Variants in ELP3 observed in about 807,000 individuals in gnomAD.
The protein encoded by ELP3 is elongator complex protein 3.
A neutral mutation model predicts 74.9 loss-of-function variants in ELP3; 56 were observed. The observed-to-expected ratio is 0.75, with a 90% confidence interval of 0.60 to 0.93. ELP3 has a LOEUF of 0.93. Ranked by LOEUF, ELP3 falls within the 40% of genes least tolerant of loss-of-function variation. The pLI is 0.00. For synonymous variants in ELP3, 222 were observed against 239.8 expected (o/e 0.93, Z 0.68); for missense variants, 573 against 686.5 (o/e 0.83, Z 1.85).
chr8:28,112,455 CTT>C (rs1811956360), intron 6 of ELP3: 1 of 152,142 alleles, frequency 6.6e-6, no homozygotes, highest in African/African-American at 2.4e-5. Flanking sequence ...TTTAATCAGA[CTT>C]TCACTTTTTT....
intron 14 of ELP3, among the ~76,000 whole-genome samples, chr8:28,163,038 C>G (rs758056904): frequency 6.6e-6 from 1 of 152,172 alleles, no homozygotes; most frequent in Non-Finnish European, 1.5e-5. Context: ...CCGTCTTTTG[C>G]GGTAGTGTGT....
At chr8:28,140,767 G>C (rs1056113101) in intron 10 of ELP3, among the ~76,000 whole-genome samples, 4 of 152,140 alleles carry the variant, frequency 2.6e-5, no homozygotes, top group Admixed American at 2.0e-4. Context: ...CTGAAGTGCT[G>C]GCTATTGCTC....
chr8:28,119,572 TTATATATATATATA>T (rs72105276), intron 7 of ELP3, among the ~76,000 whole-genome samples: 4,727 of 46,472 alleles, frequency 0.1, 332 homozygotes, highest in Non-Finnish European at 0.15. Flanking sequence ...TTGTGGCGTT[TTATATATATATATA>T]TATATATATA....
upstream of ELP3, chr8:28,090,484 T>G (rs866368069): frequency 3.9e-4 from 56 of 144,470 alleles, no homozygotes; most frequent in South Asian, 9.7e-4. Context: ...GATGGGTGGG[T>G]GTGTGTGTGT....
intron 10 of ELP3, among the ~76,000 whole-genome samples, chr8:28,154,882 A>C (rs1813769508): frequency 6.6e-6 from 1 of 152,190 alleles, no homozygotes; most frequent in Non-Finnish European, 1.5e-5. Flanking sequence ...TGCCTTAAAG[A>C]ATTTTGACTT....
At chr8:28,146,306 G>C (rs918400263) in intron 10 of ELP3, among the ~76,000 whole-genome samples, 2 of 152,122 alleles carry the variant, frequency 1.3e-5, no homozygotes, top group Admixed American at 6.5e-5. Flanking sequence ...CTGCTGATGT[G>C]ATATTTAAAT....
At position 28,157,998 on chromosome 8, in the gene ELP3, TTTCC is replaced by T. The variant is rs796269743; in HGVS notation, c.1192-552_1192-549del. 4.1e-4 allele frequency among the ~76,000 whole-genome samples: 61 copies of T among 149,802 alleles called. 1 individual carries two copies. Among genetic ancestry groups the T allele is most frequent in the South Asian group, 1.5e-3 (7 of 4,686 alleles). On this transcript the variant is annotated intron_variant, in intron 11 of 14. Coordinates refer to ENST00000256398, the MANE Select transcript of ELP3 (RefSeq NM_018091.6). ...CCTCCCTCTCTTCCTTCCTTCCTTCTTTCCTTCCTTCCTTCCTTCCTCCTTTCCT... is the reference window on the plus strand; with the variant it reads ...CCTCCCTCTCTTCCTTCCTTCCTTCTTTCCTTCCTTCCTTCCTCCTTTCCT...
chr8:28,155,884 A>T, intron 10 of ELP3, 58 bp from the exon 11 acceptor site: 1 of 1,363,140 alleles, frequency 7.3e-7, no homozygotes, highest in Non-Finnish European at 1.0e-6. Flanking sequence ...TCCTTGCCTT[A>T]CTGCTGTGGA....
chr8:28,150,752 G>A (rs1040827319), intron 10 of ELP3, among the ~76,000 whole-genome samples: 4 of 152,012 alleles, frequency 2.6e-5, no homozygotes, highest in Non-Finnish European at 5.9e-5. Context: ...CTGTGGTTTG[G>A]TGTCTGATAT....
chr8:28,092,411 TAG>T (rs1173963111), upstream of ELP3, among the ~76,000 whole-genome samples: 2 of 152,134 alleles, frequency 1.3e-5, no homozygotes, highest in Non-Finnish European at 2.9e-5. Flanking sequence ...GTATTTTTAG[TAG>T]AGACAGGGTT....
chr8:28,099,918 G>A lies in ELP3; in HGVS notation c.210G>A (p.Lys70=). 1.2e-6 allele frequency: 2 copies of A among 1,614,164 alleles called. No individual in the cohort carries two copies. The highest frequency in any genetic ancestry group is 1.7e-6 in the Non-Finnish European group (2 of 1,180,042). ...CTGCCGTCCCTCCTCAGTATCGCAA[G>A]GTCTTGATGCCCAAGTTAAAGGCGA... The part of the protein sequence containing the change: ...IIAAVPPQYR[K]VLMPKLKAKP... The change falls in exon 3 of 15, where the codon AAG becomes AAA. Residue 70 remains lysine (K), a synonymous_variant. Transcript: ENST00000256398.
At chr8:28,172,122 G>A (rs1342016966) in intron 14 of ELP3, among the ~76,000 whole-genome samples, 1 of 151,940 alleles carries the variant, frequency 6.6e-6, no homozygotes, top group Non-Finnish European at 1.5e-5. Flanking sequence ...GATTGTTTTT[G>A]GCGATCCCGG....
upstream of ELP3, chr8:28,090,365 TG>T (rs1811019505): frequency 7.8e-6 from 3 of 382,464 alleles, no homozygotes; most frequent in Admixed American, 3.1e-5. Flanking sequence ...GAGCCCAGGA[TG>T]TTGCTTCCCG....
At chr8:28,125,628 G>C (rs963642111) in intron 7 of ELP3, among the ~76,000 whole-genome samples, 1 of 152,120 alleles carries the variant, frequency 6.6e-6, no homozygotes, top group Non-Finnish European at 1.5e-5. Context: ...CAAGGAGACA[G>C]TAATAATAGA....
At chr8:28,093,914 A>C (rs551765133) in intron 1 of ELP3, among the ~76,000 whole-genome samples, 1 of 152,360 alleles carries the variant, frequency 6.6e-6, no homozygotes, top group African/African-American at 2.4e-5. Context: ...CAGATGAAGA[A>C]GCTGAGATTC....
intron 14 of ELP3, among the ~76,000 whole-genome samples, chr8:28,182,151 A>T (rs1815037436): frequency 6.6e-6 from 1 of 152,202 alleles, no homozygotes; most frequent in Non-Finnish European, 1.5e-5. Context: ...ACTTGGAGGA[A>T]CAAAGAGTTG....
chr8:28,186,869 T>G (rs1815259690), intron 14 of ELP3, among the ~76,000 whole-genome samples: 3 of 152,156 alleles, frequency 2.0e-5, no homozygotes, highest in South Asian at 4.1e-4. Context: ...GTAATAGGGA[T>G]TAAGTTTCAA....
chr8:28,180,717 C>T (rs532713322), intron 14 of ELP3, among the ~76,000 whole-genome samples: 1 of 152,334 alleles, frequency 6.6e-6, no homozygotes, highest in South Asian at 2.1e-4. Flanking sequence ...CCAGGCATCT[C>T]AGAGTCGTAG....
Position 28,189,682 on chromosome 8 carries a change from G to A in ELP3, c.1601G>A (p.Gly534Asp), listed in dbSNP as rs2130630632. Residue 534 changes from glycine to aspartate, a missense_variant, in exon 15 of 15, where the codon GGC (glycine) becomes GAC (aspartate). Gly to Asp is a moderately conservative substitution (Grantham distance 94). Transcript: ENST00000256398. Reference sequence around the variant, plus strand: ...ACCAGGAATTATTATAGAAAGATCGGCTACAGATTACAAGGCCCGTACATG... The same window carrying A: ...ACCAGGAATTATTATAGAAAGATCGACTACAGATTACAAGGCCCGTACATG... ...VGTRNYYRKI[G>D]YRLQGPYMVK... 6.2e-7 allele frequency: 1 copy of A among 1,614,068 alleles called. No individual in the cohort carries two copies. Among genetic ancestry groups the A allele is most frequent in the African/African-American group, 1.3e-5 (1 of 75,020 alleles).
Sources: allele counts gnomAD v4.1 joint callset (sites outside exome capture counted in the v4.1 genomes callset), GRCh38; gene constraint gnomAD v4.1.1; transcripts MANE v1.5; gene names NCBI Gene and HGNC (gene_info 2026-07-23, HGNC 2026-07-21).